ZNF827: variants seen among roughly 807,000 people sequenced by gnomAD.
ZNF827 encodes zinc finger protein 827.
A neutral mutation model predicts 102.4 loss-of-function variants in ZNF827; 13 were observed. That is an observed-to-expected ratio of 0.13 (90% CI 0.08 to 0.20). The LOEUF (loss-of-function observed/expected upper bound fraction) is 0.20. Ranked by LOEUF, ZNF827 falls within the 10% of genes least tolerant of loss-of-function variation. ZNF827 has a pLI of 1.00. For missense variants in ZNF827, 1,103 were observed against 1,344.4 expected, an observed-to-expected ratio of 0.82 and a Z score of 2.81; for synonymous variants, 523 against 536.2, an observed-to-expected ratio of 0.98 and a Z score of 0.34.
At position 145,862,716 on chromosome 4, in the gene ZNF827, G is replaced by C. The variant is rs1372455788; in HGVS notation, c.1981+7529C>G. On this transcript the variant is annotated intron_variant, in intron 5 of 14. Transcript: ENST00000508784. ...GAGTCAGAAGGGTCCACTCCACTGAGGTATTATTCAATAAATTTGGTTTCA... is the reference window on the plus strand; with the variant it reads ...GAGTCAGAAGGGTCCACTCCACTGACGTATTATTCAATAAATTTGGTTTCA... Among the ~76,000 whole-genome samples, 3 of 152,118 alleles carry C rather than the reference G, an allele frequency of 2.0e-5. No individual in the cohort carries two copies. In the East Asian group the frequency reaches 5.8e-4, roughly 29 times the overall value.
chr4:145,892,694 A>G (rs1750699506), intron 2 of ZNF827, among the ~76,000 whole-genome samples: 1 of 146,044 alleles, frequency 6.8e-6, no homozygotes, highest in Non-Finnish European at 1.6e-5. Flanking sequence ...ACACTAAGGA[A>G]GACATCGGCA....
chr4:145,888,142 C>G (rs1579483304), intron 3 of ZNF827, among the ~76,000 whole-genome samples: 1 of 152,134 alleles, frequency 6.6e-6, no homozygotes, highest in Admixed American at 6.5e-5. Flanking sequence ...ATTAGTGAAG[C>G]TTTAAAGGAA....
chr4:145,899,924 T>C (rs528496943), intron 2 of ZNF827, among the ~76,000 whole-genome samples: 2 of 152,324 alleles, frequency 1.3e-5, no homozygotes, highest in African/African-American at 2.4e-5. Context: ...TTCAGCAATA[T>C]AATAAATATA....
intron 2 of ZNF827, among the ~76,000 whole-genome samples, chr4:145,901,116 C>T (rs1472974333): frequency 6.6e-6 from 1 of 152,208 alleles, no homozygotes; most frequent in East Asian, 1.9e-4. Context: ...TTGACATTAA[C>T]TGTGATCGTT....
At chr4:145,844,342 T>C (rs1373876215) in intron 7 of ZNF827, among the ~76,000 whole-genome samples, 2 of 151,790 alleles carry the variant, frequency 1.3e-5, no homozygotes, top group African/African-American at 4.8e-5. Flanking sequence ...TACATACCAC[T>C]CTTCTGTTCT....
At chr4:145,917,700 C>CAAAA (rs763617063) in intron 1 of ZNF827, among the ~76,000 whole-genome samples, 841 of 46,794 alleles carry the variant, frequency 0.018, 36 homozygotes, top group African/African-American at 0.023. Flanking sequence ...GGTAGCTGGT[C>CAAAA]AAAAAAAAAA....
intron 8 of ZNF827, among the ~76,000 whole-genome samples, chr4:145,821,761 C>T (rs952320074): frequency 1.3e-5 from 2 of 152,106 alleles, no homozygotes; most frequent in Non-Finnish European, 2.9e-5. Flanking sequence ...GTGAGTTCAT[C>T]TAATGTCTAA....
intron 8 of ZNF827, among the ~76,000 whole-genome samples, chr4:145,809,460 C>T (rs961484597): frequency 2.6e-5 from 4 of 152,120 alleles, no homozygotes; most frequent in African/African-American, 4.8e-5. Flanking sequence ...CTCCCTAAAA[C>T]TAATGCCCTT....
At chr4:145,935,201 G>C (rs78308365) in intron 1 of ZNF827, among the ~76,000 whole-genome samples, 5 of 152,264 alleles carry the variant, frequency 3.3e-5, no homozygotes, top group African/African-American at 1.2e-4. Flanking sequence ...ATACAAAACA[G>C]TACTCCAGTG....
intron 7 of ZNF827, among the ~76,000 whole-genome samples, chr4:145,828,434 T>A (rs1743891569): frequency 6.6e-6 from 1 of 152,188 alleles, no homozygotes; most frequent in Non-Finnish European, 1.5e-5. Flanking sequence ...TCATCACTTA[T>A]TTTCACTCAA....
intron 11 of ZNF827, among the ~76,000 whole-genome samples, chr4:145,769,659 A>G (rs1393916468): frequency 6.6e-6 from 1 of 152,134 alleles, no homozygotes; most frequent in Non-Finnish European, 1.5e-5. Flanking sequence ...ATGTCTGTGG[A>G]AAGAGCCAGG....
At chr4:145,782,293 G>A (rs909234022) in intron 8 of ZNF827, among the ~76,000 whole-genome samples, 2 of 152,208 alleles carry the variant, frequency 1.3e-5, no homozygotes, top group African/African-American at 2.4e-5. Context: ...GAGGCAGTCG[G>A]GGGAGGAGTA....
chr4:145,805,904 TC>T (rs1380436560), intron 8 of ZNF827, among the ~76,000 whole-genome samples: 1 of 152,072 alleles, frequency 6.6e-6, no homozygotes, highest in Non-Finnish European at 1.5e-5. Context: ...TGCTTGAATT[TC>T]ACCTTCTGGG....
chr4:145,874,392 GTTT>G (rs1748977700), intron 4 of ZNF827, among the ~76,000 whole-genome samples: 2 of 152,270 alleles, frequency 1.3e-5, no homozygotes, highest in South Asian at 4.1e-4. Context: ...ATTTGCCCAA[GTTT>G]TAATTTCCCA....
rs577309640 is a variant in ZNF827 at position 145,856,972 on chromosome 4, C to T, written c.1982-7411G>A. Among the ~76,000 whole-genome samples, 96 of 129,126 alleles carry T rather than the reference C, an allele frequency of 7.4e-4. 1 individual carries two copies. The South Asian group carries it at 0.028, about 38-fold the overall frequency. The allele number at this position is 129,126 out of a possible 152,430, so 84.7% of individuals were successfully genotyped here. A position where few individuals can be genotyped will look rare whatever the true frequency, so the allele number is the denominator to read the frequency against. On this transcript the variant is annotated intron_variant, in intron 5 of 14. Transcript: ENST00000508784. ...CTCCTCCTTCTTTCTCGCTCATGCGCGCGCACGCGCACGCACACACACACA... is the reference window on the plus strand; with the variant it reads ...CTCCTCCTTCTTTCTCGCTCATGCGTGCGCACGCGCACGCACACACACACA...
intron 1 of ZNF827, among the ~76,000 whole-genome samples, chr4:145,914,062 G>GACACACACACAC (rs34866639): frequency 1.9e-3 from 277 of 148,212 alleles, no homozygotes; most frequent in African/African-American, 6.0e-3. Context: ...TTTCTTTGTA[G>GACACACACACAC]ACACACACAC....
chr4:145,828,953 AAGAGAAGG>A (rs1743936082), intron 7 of ZNF827, among the ~76,000 whole-genome samples: 2 of 152,240 alleles, frequency 1.3e-5, no homozygotes, highest in Non-Finnish European at 2.9e-5. Context: ...TCTCATGCAG[AAGAGAAGG>A]CTCATCTACT....
intron 8 of ZNF827, among the ~76,000 whole-genome samples, chr4:145,802,502 G>A (rs1340895027): frequency 1.3e-5 from 2 of 152,236 alleles, no homozygotes; most frequent in Non-Finnish European, 2.9e-5. Flanking sequence ...ACAAAGGTGG[G>A]AGCAGGGGTG....
intron 1 of ZNF827, among the ~76,000 whole-genome samples, chr4:145,913,785 T>A (rs955575898): frequency 1.3e-5 from 2 of 152,208 alleles, no homozygotes; most frequent in Non-Finnish European, 2.9e-5. Context: ...GATAAATCGG[T>A]TGATTATCTG....
Sources: gnomAD v4.1 joint callset for allele counts (sites outside exome capture counted in the v4.1 genomes callset) on GRCh38, gnomAD v4.1.1 for gene constraint, MANE v1.5 for transcripts, NCBI Gene and HGNC (gene_info 2026-07-23, HGNC 2026-07-21) for gene names.